MYH10: variants seen among roughly 807,000 people sequenced by gnomAD.
The protein encoded by MYH10 is myosin-10.
MYH10 carries 55 observed loss-of-function variants against 257.8 expected under a neutral mutation model. The observed-to-expected ratio is 0.21, with a 90% confidence interval of 0.17 to 0.27. The LOEUF is 0.27. Among genes scored for constraint, MYH10 ranks in the 10% least tolerant of loss-of-function variants. The pLI is 1.00. For synonymous variants in MYH10, 854 were observed against 921.7 expected (o/e 0.93, Z 1.33); for missense variants, 1,631 against 2,500.6 (o/e 0.65, Z 7.42).
At chr17:8,554,693 T>C (rs2082734058) in intron 7 of MYH10, among the ~76,000 whole-genome samples, 1 of 152,250 alleles carries the variant, frequency 6.6e-6, no homozygotes, top group Non-Finnish European at 1.5e-5. Flanking sequence ...CTCACACCTG[T>C]AATCCCAGCA....
At chr17:8,483,319 A>G (rs1331197208) in intron 37 of MYH10, among the ~76,000 whole-genome samples, 1 of 152,204 alleles carries the variant, frequency 6.6e-6, no homozygotes, top group African/African-American at 2.4e-5. Flanking sequence ...AAAAAGGAGC[A>G]AAAAATGGTG....
chr17:8,621,034 A>C (rs1354862513), intron 2 of MYH10, among the ~76,000 whole-genome samples: 1 of 152,174 alleles, frequency 6.6e-6, no homozygotes, highest in Middle Eastern at 3.2e-3. Context: ...ACAACAAAAA[A>C]ACACCTGTCC....
chr17:8,524,023 T>A (rs923694774), intron 17 of MYH10, among the ~76,000 whole-genome samples: 1 of 152,004 alleles, frequency 6.6e-6, no homozygotes, highest in African/African-American at 2.4e-5. Context: ...AGTCTGCTGC[T>A]AGGAAGAGAG....
chr17:8,544,952 G>A (rs1201772084), intron 13 of MYH10, among the ~76,000 whole-genome samples: 2 of 152,072 alleles, frequency 1.3e-5, no homozygotes, highest in Non-Finnish European at 2.9e-5. Context: ...CCAAGCCCCC[G>A]TCATCTTGCC....
At chr17:8,555,157 C>A (rs2082753763) in intron 7 of MYH10, among the ~76,000 whole-genome samples, 1 of 151,846 alleles carries the variant, frequency 6.6e-6, no homozygotes. Context: ...AAACATTTTG[C>A]AAAACAAACA....
At chr17:8,499,226 C>T (rs1436523543) in intron 30 of MYH10, 44 bp downstream of exon 30, 1 of 1,574,544 alleles carries the variant, frequency 6.4e-7, no homozygotes, top group African/African-American at 1.4e-5. Context: ...AAATTAGGGA[C>T]ATGCTACAGT....
At position 8,600,936 on chromosome 17, in the gene MYH10, G is replaced by A. The variant is rs144962498; in HGVS notation, c.502+3890C>T. Among the ~76,000 whole-genome samples, 725 of 152,214 alleles carry A rather than the reference G, an allele frequency of 4.8e-3. 5 individuals carry two copies. The highest frequency in any genetic ancestry group is 0.016 in the African/African-American group (674 of 41,512). ...ATTCACTGAAGATACTAAACATACA[G>A]AAAGTTTGCACATCAGAGAGTGGGA... On this transcript the variant is annotated intron_variant, in intron 3 of 42. Transcript: ENST00000360416.
intron 17 of MYH10, 37 bp from the exon 18 acceptor site, chr17:8,521,322 A>C: frequency 6.3e-7 from 1 of 1,591,984 alleles, no homozygotes; most frequent in Non-Finnish European, 8.6e-7. Context: ...TATAAGCCAA[A>C]CCTCACTCGT....
At chr17:8,593,445 C>A (rs370220587) in intron 3 of MYH10, among the ~76,000 whole-genome samples, 1 of 130,402 alleles carries the variant, frequency 7.7e-6, no homozygotes, top group African/African-American at 2.8e-5. Context: ...AACAAACAAA[C>A]AAAAAAACCC....
At position 8,480,146 on chromosome 17, in the gene MYH10, A is replaced by G. The variant is rs1190125190; in HGVS notation, c.5561T>C (p.Ile1854Thr). 6.2e-7 allele frequency: 1 copy of G among 1,614,092 alleles called. No homozygotes were observed. The highest frequency in any genetic ancestry group is 2.2e-5 in the East Asian group (1 of 44,870). ...KATISALEAK[I>T]GQLEEQLEQE... The stretch of plus-strand genomic sequence containing the variant: ...CTCAAGCTGCTCCTCCAGCTGCCCA[A>G]TCTTGGCCTCCAGGGCTGAGATGGT... The change falls in exon 40 of 43, where the codon ATT becomes ACT. Residue 1854 changes from isoleucine to threonine, a missense_variant. Physicochemically the swap from Ile to Thr is moderately conservative, Grantham distance 89. Around this residue, in one of 11 missense-constraint regions of MYH10, gnomAD observed 343 missense variants for 389.5 expected, o/e 0.88. Transcript: ENST00000360416.
At chr17:8,563,830 T>C (rs1159578128) in intron 7 of MYH10, among the ~76,000 whole-genome samples, 2 of 149,886 alleles carry the variant, frequency 1.3e-5, no homozygotes, top group Non-Finnish European at 2.9e-5. Context: ...TGCTGGAGGA[T>C]ACTTATCTAC....
At chr17:8,563,763 T>C (rs1244467574) in intron 7 of MYH10, among the ~76,000 whole-genome samples, 1 of 152,096 alleles carries the variant, frequency 6.6e-6, no homozygotes, top group Middle Eastern at 3.2e-3. Flanking sequence ...GTGCTTTCAT[T>C]ATAACCTGGT....
rs1912426948 is a variant in MYH10, at chr17:8,475,622, A to T, written c.*182T>A. The T allele has an allele frequency of 3.1e-6, 2 of 640,236 alleles. No individual in the cohort carries two copies. The highest frequency in any genetic ancestry group is 2.7e-6 in the Non-Finnish European group (1 of 370,820). 39.7% of individuals were successfully genotyped at this position (640,236 alleles called of 1,614,324 possible). A position where few individuals can be genotyped will look rare whatever the true frequency, so the allele number is the denominator to read the frequency against. On this transcript the variant is annotated 3_prime_UTR_variant, in exon 43 of 43. Coordinates refer to ENST00000360416, the MANE Select transcript of MYH10 (RefSeq NM_001256012.3). ...GTGTCCTGTGTGTGTCTATATATAAAAAGGGGAGCAATTGTACCTAAGTCT... is the reference window on the plus strand; with the variant it reads ...GTGTCCTGTGTGTGTCTATATATAATAAGGGGAGCAATTGTACCTAAGTCT...
At chr17:8,521,314 T>C in intron 17 of MYH10, 29 bp from the exon 18 acceptor site, 2 of 1,603,850 alleles carry the variant, frequency 1.2e-6, no homozygotes, top group Non-Finnish European at 1.7e-6. Flanking sequence ...AAAACAAATA[T>C]AAGCCAAACC....
chr17:8,503,483 C>T (rs561783262), intron 28 of MYH10, among the ~76,000 whole-genome samples: 2 of 152,154 alleles, frequency 1.3e-5, no homozygotes, highest in African/African-American at 4.8e-5. Context: ...CCCCTCTGTT[C>T]TCCAGCACGG....
At position 8,499,469 on chromosome 17, in the gene MYH10, G is replaced by C. The variant is rs1320409609; in HGVS notation, c.3752C>G (p.Ala1251Gly). 1 of 1,614,054 alleles carries C rather than the reference G, an allele frequency of 6.2e-7. No individual in the cohort carries two copies. The highest frequency in any genetic ancestry group is 8.5e-7 in the Non-Finnish European group (1 of 1,179,990). The change falls in exon 30 of 43, where the codon GCA becomes GGA. Residue 1251 changes from alanine to glycine, a missense_variant. By Grantham distance (60) the Ala-to-Gly change is moderately conservative (BLOSUM62 0). Coordinates refer to ENST00000360416, the MANE Select transcript of MYH10 (RefSeq NM_001256012.3). ...GCCCTGCTTGTTCTTCTCTAGATTT[G>C]CTTTGAACTAGGAGACGGAAGGGAA... ...EQLEQAKRFK[A>G]NLEKNKQGLE... is the part of the protein sequence containing the mutation.
At chr17:8,601,732 TCATTC>T (rs2084606995) in intron 3 of MYH10, among the ~76,000 whole-genome samples, 2 of 152,330 alleles carry the variant, frequency 1.3e-5, no homozygotes, top group African/African-American at 4.8e-5. Context: ...TTTCATTCAT[TCATTC>T]AACAAATATT....
At chr17:8,594,644 G>A (rs1376962268) in intron 3 of MYH10, among the ~76,000 whole-genome samples, 5 of 152,092 alleles carry the variant, frequency 3.3e-5, no homozygotes, top group African/African-American at 1.2e-4. Context: ...GTTGACCCCC[G>A]TTATCTGTGG....
At chr17:8,603,792 G>T (rs761027112) in intron 3 of MYH10, among the ~76,000 whole-genome samples, 6 of 152,088 alleles carry the variant, frequency 3.9e-5, no homozygotes, top group Non-Finnish European at 8.8e-5. Flanking sequence ...TCCAAAAAAA[G>T]ATTATTAAAT....
Sources: allele counts gnomAD v4.1 joint callset (sites outside exome capture counted in the v4.1 genomes callset), GRCh38; gene constraint gnomAD v4.1.1; regional missense constraint gnomAD v4.1.1; transcripts MANE v1.5; gene names NCBI Gene and HGNC (gene_info 2026-07-23, HGNC 2026-07-21).